SLC9A7: variants seen among roughly 807,000 people sequenced by gnomAD.
The protein encoded by SLC9A7 is sodium/hydrogen exchanger 7.
A neutral mutation model predicts 52.6 loss-of-function variants in SLC9A7; 19 were observed. The ratio of observed to expected loss-of-function variants is 0.36; its 90% confidence interval spans 0.25 to 0.53. SLC9A7 has a LOEUF of 0.53. Among genes scored for constraint, SLC9A7 ranks in the 20% least tolerant of loss-of-function variants. The pLI is 0.91. For synonymous variants in SLC9A7, 226 were observed against 252.1 expected (o/e 0.90, Z 0.98); for missense variants, 455 against 597.9 (o/e 0.76, Z 2.49).
At chrX:46,639,924 C>T (rs188109613) in intron 12 of SLC9A7, among the ~76,000 whole-genome samples, 69 of 111,220 alleles carry the variant, frequency 6.2e-4, no homozygotes, top group Middle Eastern at 9.3e-3. Flanking sequence ...CTGCAAAAAT[C>T]GAATGAAAGA....
Position 46,723,282 on chromosome X carries a change from G to A in SLC9A7, c.325+35423C>T, listed in dbSNP as rs191130963. ...TGGGTGGGGCAGCCCGTGGTGTATC[G>A]GCAATAAGATTTCTACAAAAAAAAA... On this transcript the variant is annotated intron_variant, in intron 1 of 16. Transcript: ENST00000616978. Among the ~76,000 whole-genome samples, 70 of 91,002 alleles carry A rather than the reference G, an allele frequency of 7.7e-4. 1 individual carries two copies. In the East Asian group the frequency reaches 0.014, roughly 19 times the overall value. 79.0% of individuals were successfully genotyped at this position (91,002 alleles called of 115,157 possible).
intron 11 of SLC9A7, chrX:46,646,884 C>T (rs1227562121): frequency 3.2e-6 from 1 of 315,648 alleles, no homozygotes; most frequent in East Asian, 7.7e-5. Flanking sequence ...CCTTCAGACC[C>T]TCACAAGAGG....
At chrX:46,693,368 T>C (rs1198613178) in intron 1 of SLC9A7, among the ~76,000 whole-genome samples, 1 of 111,462 alleles carries the variant, frequency 9.0e-6, no homozygotes, top group African/African-American at 3.3e-5. Context: ...AGTGTGGTAG[T>C]GGTATAAGGA....
At chrX:46,698,280 G>A (rs1458558398) in intron 1 of SLC9A7, among the ~76,000 whole-genome samples, 5 of 111,177 alleles carry the variant, frequency 4.5e-5, no homozygotes, top group Non-Finnish European at 9.4e-5. Flanking sequence ...TTGTTTTTGC[G>A]GCTTGTGGGG....
chrX:46,659,941 G>T (rs931599639), intron 7 of SLC9A7, among the ~76,000 whole-genome samples: 1 of 110,643 alleles, frequency 9.0e-6, no homozygotes, highest in Non-Finnish European at 1.9e-5. Flanking sequence ...AACAAAGCTG[G>T]AGGCATCACG....
intron 1 of SLC9A7, among the ~76,000 whole-genome samples, chrX:46,701,932 T>A (rs1944538014): frequency 8.9e-6 from 1 of 111,976 alleles, no homozygotes; most frequent in Admixed American, 9.5e-5. Flanking sequence ...ATCCTTGGTA[T>A]CCCTTCCCAC....
At chrX:46,661,328 T>A (rs1348221077) in intron 7 of SLC9A7, among the ~76,000 whole-genome samples, 1 of 110,066 alleles carries the variant, frequency 9.1e-6, no homozygotes, top group African/African-American at 3.3e-5. Context: ...CATATGTAAC[T>A]AACCTGCACA....
intron 1 of SLC9A7, among the ~76,000 whole-genome samples, chrX:46,751,599 G>A (rs1372575053): frequency 9.0e-6 from 1 of 111,186 alleles, no homozygotes; most frequent in Non-Finnish European, 1.9e-5. Context: ...CTTGAGCGCA[G>A]GAGTTCGAAA....
intron 1 of SLC9A7, among the ~76,000 whole-genome samples, chrX:46,729,606 T>C (rs1265763444): frequency 1.8e-5 from 2 of 110,315 alleles, no homozygotes; most frequent in Non-Finnish European, 3.8e-5. Context: ...AAACTCCATC[T>C]CTACTAAAAA....
intron 1 of SLC9A7, among the ~76,000 whole-genome samples, chrX:46,723,099 T>A (rs1446524293): frequency 9.1e-6 from 1 of 110,040 alleles, no homozygotes. Flanking sequence ...AAGCTACAGT[T>A]GATCTCCCCA....
intron 14 of SLC9A7, 52 bp from the exon 15 acceptor site, chrX:46,621,111 G>T: frequency 1.2e-6 from 1 of 851,707 alleles, no homozygotes; most frequent in African/African-American, 2.0e-5. Context: ...GGATCTCAAA[G>T]AAAGGGGAAA....
At chrX:46,607,306 G>C in intron 16 of SLC9A7, 103 bp from the exon 17 acceptor site, 1 of 969,645 alleles carries the variant, frequency 1.0e-6, no homozygotes, top group Non-Finnish European at 1.4e-6. Context: ...TGAAAACTGG[G>C]GACTATGAAA....
chrX:46,625,476 G>A (rs1943111780), intron 14 of SLC9A7, among the ~76,000 whole-genome samples: 1 of 110,944 alleles, frequency 9.0e-6, no homozygotes, highest in Non-Finnish European at 1.9e-5. Context: ...TTGGGAGGCT[G>A]AGGTGGGCAG....
At chrX:46,608,175 C>CA (rs1328163818) in intron 16 of SLC9A7, among the ~76,000 whole-genome samples, 1 of 112,421 alleles carries the variant, frequency 8.9e-6, no homozygotes, top group Non-Finnish European at 1.9e-5. Context: ...ATCTAGATGA[C>CA]AAACGCCAAA....
chrX:46,744,015 T>A (rs1443335231), intron 1 of SLC9A7, among the ~76,000 whole-genome samples: 1 of 112,492 alleles, frequency 8.9e-6, no homozygotes, highest in Non-Finnish European at 1.9e-5. Context: ...AAGTATTCAG[T>A]CCAAATCTGG....
At position 46,606,429 on chromosome X, in the gene SLC9A7, A is replaced by G. The variant is rs1942744153; in HGVS notation, c.*523T>C. 6 of 755,836 alleles carry G rather than the reference A, an allele frequency of 7.9e-6. No individual in the cohort carries two copies. In the Admixed American group the frequency reaches 2.5e-4, roughly 31 times the overall value. 62.3% of individuals were successfully genotyped at this position (755,836 alleles called of 1,213,427 possible). A position where few individuals can be genotyped will look rare whatever the true frequency, so the allele number is the denominator to read the frequency against. ...TCCTGATATGAGGTTGCAGTCAAGC[A>G]GACTTCGTTGCCAGAGCCTCCAAAT... On this transcript the variant is annotated 3_prime_UTR_variant, in exon 17 of 17. Transcript: ENST00000616978.
rs782017717 is a variant in SLC9A7, at chrX:46,758,953, G to GGCA, written c.74_76dup (p.Leu25dup). The GGCA allele has an allele frequency of 7.5e-6, 8 of 1,071,465 alleles. No individual in the cohort carries two copies. Among genetic ancestry groups the GGCA allele is most frequent in the Non-Finnish European group, 9.6e-6 (8 of 832,191 alleles). 88.3% of individuals were successfully genotyped at this position (1,071,465 alleles called of 1,213,427 possible). ...TCGCAGCCCCCAACCCAGCAGCAGC[G>GGCA]GCAGCAGCAGCAGCCGCGGCGGCGG... On this transcript the variant is annotated inframe_insertion, in exon 1 of 17. Transcript: ENST00000616978.
In SLC9A7 at chrX:46,735,071, T is replaced by C. The variant is rs141867304; in HGVS notation, c.325+23634A>G. Among the ~76,000 whole-genome samples, 478 of 111,932 alleles carry C rather than the reference T, an allele frequency of 4.3e-3. 2 individuals carry two copies. Among genetic ancestry groups the C allele is most frequent in the African/African-American group, 0.015 (450 of 30,858 alleles). ...TCTTGTAGACAGCTTATAAATTGTGTCTGCTTTTTTTAATCCAATCTGATG... is the reference window on the plus strand; with the variant it reads ...TCTTGTAGACAGCTTATAAATTGTGCCTGCTTTTTTTAATCCAATCTGATG... On this transcript the variant is annotated intron_variant, in intron 1 of 16. Transcript: ENST00000616978.
intron 1 of SLC9A7, among the ~76,000 whole-genome samples, chrX:46,723,034 C>A (rs1214890900): frequency 9.0e-6 from 1 of 110,912 alleles, no homozygotes; most frequent in African/African-American, 3.3e-5. Flanking sequence ...CCTTACAATG[C>A]CGACCTAGAA....
Sources: allele counts gnomAD v4.1 joint callset (sites outside exome capture counted in the v4.1 genomes callset), GRCh38; gene constraint gnomAD v4.1.1; transcripts MANE v1.5; gene names NCBI Gene and HGNC (gene_info 2026-07-23, HGNC 2026-07-21).